Variants in VRK1 observed in about 807,000 individuals in gnomAD.
VRK1 encodes serine/threonine-protein kinase VRK1.
VRK1 carries 33 observed loss-of-function variants against 57.1 expected under a neutral mutation model. The observed-to-expected ratio is 0.58, with a 90% CI of 0.44 to 0.77. The LOEUF (loss-of-function observed/expected upper bound fraction) is 0.77. Ranked by LOEUF, VRK1 falls within the 30% of genes least tolerant of loss-of-function variation. The probability of loss-of-function intolerance (pLI) is 0.00; values close to 1 mark genes in which losing one functional copy is unlikely to be tolerated. For missense variants in VRK1, 413 were observed against 477.3 expected (o/e 0.87, Z 1.25); for synonymous variants, 137 against 147.8 (o/e 0.93, Z 0.53).
At chr14:96,878,724 A>C (rs1268796026) in intron 12 of VRK1, among the ~76,000 whole-genome samples, 1 of 152,166 alleles carries the variant, frequency 6.6e-6, no homozygotes, top group Non-Finnish European at 1.5e-5. Context: ...CAAGAAGAAC[A>C]GAGGCCTCTA....
intron 10 of VRK1, chr14:96,859,079 A>G (rs997048230): frequency 6.6e-6 from 1 of 152,176 alleles, no homozygotes; most frequent in Non-Finnish European, 1.5e-5. Context: ...ACTGTGTTTT[A>G]TAGTCTTCTC....
intron 11 of VRK1, among the ~76,000 whole-genome samples, chr14:96,869,984 G>A (rs970708339): frequency 6.6e-6 from 1 of 152,000 alleles, no homozygotes; most frequent in Non-Finnish European, 1.5e-5. Context: ...ATAAAGATTA[G>A]CCTCCTTAGT....
chr14:96,812,547 T>C (rs1178320346), intron 1 of VRK1, among the ~76,000 whole-genome samples: 2 of 152,232 alleles, frequency 1.3e-5, no homozygotes, highest in Non-Finnish European at 2.9e-5. Flanking sequence ...TGTTTATCTG[T>C]TTTGGAGAAA....
intron 1 of VRK1, among the ~76,000 whole-genome samples, chr14:96,822,276 A>G (rs919492717): frequency 1.3e-5 from 2 of 152,174 alleles, no homozygotes; most frequent in African/African-American, 4.8e-5. Context: ...TTGTTGAGTA[A>G]ACAAATTAAT....
chr14:96,824,963 A>T (rs1566691790), intron 1 of VRK1, among the ~76,000 whole-genome samples: 1 of 152,154 alleles, frequency 6.6e-6, no homozygotes, highest in Non-Finnish European at 1.5e-5. Flanking sequence ...AAAAACATTA[A>T]TTTTTTAAAA....
intron 1 of VRK1, among the ~76,000 whole-genome samples, chr14:96,822,467 G>C (rs1385290522): frequency 6.6e-6 from 1 of 152,022 alleles, no homozygotes; most frequent in East Asian, 1.9e-4. Flanking sequence ...GGGAAAATAG[G>C]GTCTAGTCCT....
At chr14:96,820,041 A>G (rs1239675790) in intron 1 of VRK1, among the ~76,000 whole-genome samples, 1 of 152,146 alleles carries the variant, frequency 6.6e-6, no homozygotes, top group African/African-American at 2.4e-5. Flanking sequence ...CAGACCATCA[A>G]ACAGTGACCA....
chr14:96,807,823 T>C (rs1885941299), intron 1 of VRK1, among the ~76,000 whole-genome samples: 1 of 152,210 alleles, frequency 6.6e-6, no homozygotes, highest in East Asian at 1.9e-4. Context: ...TATTTTGGAA[T>C]CCTAGTTCTT....
At chr14:96,837,646 C>T (rs1887272637) in intron 2 of VRK1, 116 bp from the exon 3 acceptor site, 4 of 496,128 alleles carry the variant, frequency 8.1e-6, no homozygotes, top group Non-Finnish European at 1.3e-5. Context: ...TATCCTGAAA[C>T]ACATACTTGG....
At chr14:96,845,478 A>G (rs965687913) in intron 3 of VRK1, among the ~76,000 whole-genome samples, 6 of 152,222 alleles carry the variant, frequency 3.9e-5, no homozygotes, top group Non-Finnish European at 7.3e-5. Context: ...AGTCCATAAC[A>G]TTGGTAGAAA....
At chr14:96,824,737 T>G (rs1474847794) in intron 1 of VRK1, among the ~76,000 whole-genome samples, 5 of 149,952 alleles carry the variant, frequency 3.3e-5, no homozygotes, top group Non-Finnish European at 7.4e-5. Context: ...CACTGCAAGC[T>G]CTGCCTCCTG....
chr14:96,832,820 G>T (rs1486706856), intron 1 of VRK1, among the ~76,000 whole-genome samples: 1 of 152,130 alleles, frequency 6.6e-6, no homozygotes, highest in Non-Finnish European at 1.5e-5. Context: ...TCCTCACAGT[G>T]ACTTCCATAA....
chr14:96,820,506 C>T (rs1886558938), intron 1 of VRK1, among the ~76,000 whole-genome samples: 1 of 152,192 alleles, frequency 6.6e-6, no homozygotes, highest in South Asian at 2.1e-4. Flanking sequence ...TTAGCAGTTC[C>T]TGGGCCAAAT....
At chr14:96,823,644 A>T (rs1886688529) in intron 1 of VRK1, among the ~76,000 whole-genome samples, 1 of 152,224 alleles carries the variant, frequency 6.6e-6, no homozygotes, top group East Asian at 1.9e-4. Flanking sequence ...GAAACATAGA[A>T]GATTTCCCAT....
At chr14:96,806,804 C>A (rs1248824060) in intron 1 of VRK1, among the ~76,000 whole-genome samples, 3 of 152,022 alleles carry the variant, frequency 2.0e-5, no homozygotes. Flanking sequence ...ACTCTCACTT[C>A]CCATCATTCC....
Position 96,828,322 on chromosome 14 carries a change from G to A in VRK1, c.-5-5145G>A, listed in dbSNP as rs775281996. On this transcript the variant is annotated intron_variant, in intron 1 of 12. Transcript: ENST00000216639. ...CAAAATGATCGAAACAGTATACAGT[G>A]TAGGAGAGTTCTGTTTGTTCCAACT... 2.0e-5 allele frequency among the ~76,000 whole-genome samples: 3 copies of A among 152,188 alleles called. No individual in the cohort carries two copies. In the South Asian group the frequency reaches 6.2e-4, roughly 31 times the overall value.
At chr14:96,845,854 A>G (rs1164006704) in intron 3 of VRK1, among the ~76,000 whole-genome samples, 2 of 152,220 alleles carry the variant, frequency 1.3e-5, no homozygotes. Flanking sequence ...GCTGAGCTAT[A>G]TATCTGATTT....
intron 2 of VRK1, 27 bp downstream of exon 2, chr14:96,833,658 C>T: frequency 1.2e-6 from 2 of 1,612,980 alleles, no homozygotes; most frequent in Non-Finnish European, 1.7e-6. Flanking sequence ...TTCTAATGAT[C>T]AATCCAAAGA....
At chr14:96,877,336 ATC>A in intron 12 of VRK1, 1 of 362,716 alleles carries the variant, frequency 2.8e-6, no homozygotes, top group Non-Finnish European at 5.2e-6. Context: ...CTTTGGTTTA[ATC>A]TGTTTTAACC....
Sources: gnomAD v4.1 joint callset for allele counts (sites outside exome capture counted in the v4.1 genomes callset) on GRCh38, gnomAD v4.1.1 for gene constraint, MANE v1.5 for transcripts, NCBI Gene and HGNC (gene_info 2026-07-23, HGNC 2026-07-21) for gene names.